The following TFAP2D variants were observed in gnomAD, a reference collection of about 807,000 sequenced individuals.
The protein encoded by TFAP2D is transcription factor AP-2 delta.
TFAP2D carries 9 observed loss-of-function variants against 43.6 expected under a neutral mutation model. The observed-to-expected ratio is 0.21, with a 90% CI of 0.12 to 0.36. TFAP2D has a LOEUF of 0.36. Among genes scored for constraint, TFAP2D ranks in the 10% least tolerant of loss-of-function variants. The probability of loss-of-function intolerance (pLI) is 1.00; values close to 1 mark genes in which losing one functional copy is unlikely to be tolerated. For synonymous variants in TFAP2D, 256 were observed against 224.9 expected (o/e 1.14, Z -1.24); for missense variants, 513 against 561.4 (o/e 0.91, Z 0.87).
chr6:50,719,285 C>T (rs925172837), intron 3 of TFAP2D, 135 bp downstream of exon 3: 11 of 901,424 alleles, frequency 1.2e-5, no homozygotes, highest in East Asian at 2.7e-5. Context: ...TTATTCTAGT[C>T]CAACACTGGC....
At chr6:50,772,614 C>T in intron 7 of TFAP2D, 31 bp from the exon 8 acceptor site, 3 of 1,590,056 alleles carry the variant, frequency 1.9e-6, no homozygotes, top group Non-Finnish European at 1.7e-6. Context: ...AAATCATTCA[C>T]CTCTTTTTTC....
At position 50,715,556 on chromosome 6, in the gene TFAP2D, A is replaced by G. The variant is rs752792928; in HGVS notation, c.480A>G (p.Gln160=). The stretch of plus-strand genomic sequence containing the variant: ...CTCAGTATGGAATGCACCCAGATCA[A>G]AGACTCCTGCCAGGGCCCAGCCTGG... ...HGSQYGMHPD[Q]RLLPGPSLGL... is the part of the protein sequence containing the mutation. Residue 160 remains glutamine, a synonymous_variant, in exon 2 of 8, where the codon CAA becomes CAG. Coordinates refer to ENST00000008391, the MANE Select transcript of TFAP2D (RefSeq NM_172238.4). The G allele has an allele frequency of 1.2e-6, 2 of 1,610,176 alleles. No homozygotes were observed. The highest frequency in any genetic ancestry group is 1.1e-5 in the South Asian group (1 of 91,064).
intron 7 of TFAP2D, among the ~76,000 whole-genome samples, chr6:50,771,053 T>C (rs918347723): frequency 8.5e-5 from 13 of 152,226 alleles, no homozygotes; most frequent in Admixed American, 5.9e-4. Context: ...TCTACAGTTA[T>C]GTGTTTGTTC....
At position 50,715,682 on chromosome 6, in the gene TFAP2D, G is replaced by C. The variant is rs986357102; in HGVS notation, c.537+69G>C. 9.4e-6 allele frequency: 14 copies of C among 1,494,006 alleles called. No individual in the cohort carries two copies. In the Admixed American group the frequency reaches 2.1e-4, roughly 22 times the overall value. 92.5% of individuals were successfully genotyped at this position (1,494,006 alleles called of 1,614,324 possible). On this transcript the variant is annotated intron_variant, in intron 2 of 7. Transcript: ENST00000008391. The stretch of plus-strand genomic sequence containing the variant: ...GCCCTCCCCCTGCCGCCCCATTAAT[G>C]CTCCGACTGTAAAGCGTCTCTCTTT...
intron 3 of TFAP2D, among the ~76,000 whole-genome samples, chr6:50,724,763 G>C (rs958067221): frequency 2.0e-5 from 3 of 150,750 alleles, no homozygotes; most frequent in Admixed American, 1.3e-4. Context: ...ACGGTGGCGG[G>C]GTGTGTGTGT....
At chr6:50,724,297 G>C (rs1581760325) in intron 3 of TFAP2D, among the ~76,000 whole-genome samples, 1 of 152,164 alleles carries the variant, frequency 6.6e-6, no homozygotes, top group Admixed American at 6.5e-5. Flanking sequence ...AAAAAAGAGC[G>C]ATCACTGGAG....
chr6:50,757,467 T>TAATTATTCTATATATAGAATAC (rs1561940214), intron 7 of TFAP2D, among the ~76,000 whole-genome samples: 31 of 111,080 alleles, frequency 2.8e-4, no homozygotes, highest in Non-Finnish European at 4.2e-4. Flanking sequence ...ATATATAATA[T>TAATTATTCTATATATAGAATAC]ATATAATTAT....
chr6:50,746,098 A>G (rs941753158), intron 6 of TFAP2D, among the ~76,000 whole-genome samples: 12 of 152,190 alleles, frequency 7.9e-5, no homozygotes, highest in African/African-American at 2.9e-4. Context: ...TTATTGAAAT[A>G]AGTTATTGAT....
At chr6:50,763,267 T>C (rs1769390869) in intron 7 of TFAP2D, among the ~76,000 whole-genome samples, 1 of 152,134 alleles carries the variant, frequency 6.6e-6, no homozygotes, top group Non-Finnish European at 1.5e-5. Context: ...AATTAATGTG[T>C]CCAGCAGAGT....
chr6:50,752,340 G>A (rs565342772), intron 7 of TFAP2D, among the ~76,000 whole-genome samples: 1 of 151,994 alleles, frequency 6.6e-6, no homozygotes, highest in African/African-American at 2.4e-5. Flanking sequence ...AAGTGAGAAA[G>A]AACATGTAAT....
chr6:50,754,566 T>C (rs1402813901), intron 7 of TFAP2D, among the ~76,000 whole-genome samples: 2 of 151,956 alleles, frequency 1.3e-5, no homozygotes, highest in Non-Finnish European at 2.9e-5. Flanking sequence ...TTTGTCATTT[T>C]TTGAGGGCCT....
chr6:50,730,513 A>G (rs1768871494), intron 5 of TFAP2D, among the ~76,000 whole-genome samples: 1 of 139,958 alleles, frequency 7.1e-6, no homozygotes, highest in Non-Finnish European at 1.5e-5. Context: ...AGCAAAGTAG[A>G]AAAAAAAATG....
chr6:50,715,111 T>C lies in TFAP2D; in HGVS notation c.40-5T>C, dbSNP rs1768595577. On this transcript the variant is annotated splice_region_variant and splice_polypyrimidine_tract_variant and intron_variant, in intron 1 of 7. Coordinates refer to ENST00000008391, the MANE Select transcript of TFAP2D (RefSeq NM_172238.4). The stretch of plus-strand genomic sequence containing the variant: ...TGCTCTCCCTTTTCCCCCTCTTCCT[T>C]CCAGATACGTCACGACGGATCAAAC... 6.2e-7 allele frequency: 1 copy of C among 1,610,398 alleles called. No individual in the cohort carries two copies. Among genetic ancestry groups the C allele is most frequent in the Admixed American group, 1.7e-5 (1 of 59,946 alleles).
chr6:50,760,577 CTTTAATTGTGTATCTTAATTAAATTCCAT>C (rs1319942745), intron 7 of TFAP2D, among the ~76,000 whole-genome samples: 2 of 152,000 alleles, frequency 1.3e-5, no homozygotes, highest in African/African-American at 4.8e-5. Context: ...GAACTAGATA[CTTTAATTGTGTATCTTAATTAAATTCCAT>C]TTTAAAAGTA....
intron 1 of TFAP2D, 85 bp from the exon 2 acceptor site, chr6:50,715,031 C>T (rs1581755092): frequency 5.2e-6 from 8 of 1,528,820 alleles, no homozygotes; most frequent in East Asian, 2.3e-5. Flanking sequence ...AGAGAAAGCT[C>T]CTGGCTCCGG....
At chr6:50,757,315 ATTCTC>A (rs1184207964) in intron 7 of TFAP2D, among the ~76,000 whole-genome samples, 6 of 141,160 alleles carry the variant, frequency 4.3e-5, no homozygotes, top group African/African-American at 1.3e-4. Context: ...TATTCTCTAT[ATTCTC>A]TATAGATATA....
intron 7 of TFAP2D, among the ~76,000 whole-genome samples, chr6:50,762,555 C>T (rs1769377402): frequency 6.6e-6 from 1 of 152,054 alleles, no homozygotes. Context: ...CAGTTACCTC[C>T]TTCCTGAACT....
In TFAP2D at chr6:50,772,941, T is replaced by C; in HGVS notation, c.*77T>C. On this transcript the variant is annotated 3_prime_UTR_variant, in exon 8 of 8. Transcript: ENST00000008391. ...TAATATATATATCATTGAGGGTGACTAATCTTCAGTGGACCAAATCTCTAC... is the reference window on the plus strand; with the variant it reads ...TAATATATATATCATTGAGGGTGACCAATCTTCAGTGGACCAAATCTCTAC... 7.6e-7 allele frequency: 1 copy of C among 1,311,372 alleles called. No homozygotes were observed. Among genetic ancestry groups the C allele is most frequent in the Non-Finnish European group, 1.1e-6 (1 of 948,514 alleles). 81.2% of individuals were successfully genotyped at this position (1,311,372 alleles called of 1,614,324 possible).
chr6:50,715,747 T>TCACACACA (rs1450229346), intron 2 of TFAP2D, 134 bp downstream of exon 2: 24 of 498,350 alleles, frequency 4.8e-5, no homozygotes, highest in African/African-American at 4.5e-4. Flanking sequence ...TCTCTCTCTC[T>TCACACACA]CTCACACACA....
Sources: allele counts gnomAD v4.1 joint callset (sites outside exome capture counted in the v4.1 genomes callset), GRCh38; gene constraint gnomAD v4.1.1; transcripts MANE v1.5; gene names NCBI Gene and HGNC (gene_info 2026-07-23, HGNC 2026-07-21).